Variants in NECTIN1 observed in about 807,000 individuals in gnomAD.
The protein encoded by NECTIN1 is nectin cell adhesion molecule 1, also known as nectin-1.
In NECTIN1, 23 loss-of-function variants were observed where a neutral mutation model predicts 48.0. The ratio of observed to expected loss-of-function variants is 0.48; its 90% CI spans 0.34 to 0.68. NECTIN1 has a LOEUF of 0.68. Ranked by LOEUF, NECTIN1 falls within the 30% of genes least tolerant of loss-of-function variation. NECTIN1 has a pLI of 0.01. For synonymous variants in NECTIN1, 270 were observed against 288.9 expected, an observed-to-expected ratio of 0.93 and a Z score of 0.66; for missense variants, 591 against 709.9, an observed-to-expected ratio of 0.83 and a Z score of 1.90.
intron 1 of NECTIN1, among the ~76,000 whole-genome samples, chr11:119,725,853 A>G (rs1865900173): frequency 2.0e-5 from 3 of 152,086 alleles, no homozygotes; most frequent in Admixed American, 2.0e-4. Context: ...CAACAGCTCG[A>G]CACACCTGCT....
intron 5 of NECTIN1, among the ~76,000 whole-genome samples, chr11:119,668,447 A>G (rs983244110): frequency 2.0e-5 from 3 of 152,122 alleles, no homozygotes; most frequent in Non-Finnish European, 4.4e-5. Context: ...CAAAGCTTCC[A>G]TCATGCAACC....
rs1004674586 is a variant in NECTIN1 at position 119,692,168 on chromosome 11, C to T, written c.80-13403G>A. Among the ~76,000 whole-genome samples the T allele has an allele frequency of 2.2e-4, 33 of 152,332 alleles. 2 individuals are homozygous for T. In the South Asian group the frequency reaches 5.6e-3, roughly 26 times the overall value. On this transcript the variant is annotated intron_variant, in intron 1 of 5. Transcript: ENST00000264025. Reference sequence around the variant, plus strand: ...ATCTATCAGGAGCCTCGCCCAGCCCCGCTTCCAGCTCAGACTTGTCGGGGT... The same window carrying T: ...ATCTATCAGGAGCCTCGCCCAGCCCTGCTTCCAGCTCAGACTTGTCGGGGT...
intron 5 of NECTIN1, among the ~76,000 whole-genome samples, chr11:119,649,758 G>A (rs960859203): frequency 1.3e-5 from 2 of 152,188 alleles, no homozygotes; most frequent in Non-Finnish European, 2.9e-5. Flanking sequence ...GAATGGCAGA[G>A]TTTCTGGAGC....
chr11:119,722,459 T>C (rs897237665), intron 1 of NECTIN1, among the ~76,000 whole-genome samples: 3 of 152,106 alleles, frequency 2.0e-5, no homozygotes, highest in African/African-American at 7.2e-5. Context: ...AATGTGGAAG[T>C]GAAAGAAGGC....
chr11:119,717,290 G>A (rs1565403475), intron 1 of NECTIN1, among the ~76,000 whole-genome samples: 2 of 152,204 alleles, frequency 1.3e-5, no homozygotes, highest in Admixed American at 6.5e-5. Context: ...TGTCGCACAC[G>A]TTCCCCCAAA....
At chr11:119,649,817 A>G (rs1015101252) in intron 5 of NECTIN1, among the ~76,000 whole-genome samples, 11 of 152,222 alleles carry the variant, frequency 7.2e-5, no homozygotes, top group Admixed American at 1.3e-4. Flanking sequence ...CAGACTCACT[A>G]GAAATCTGTC....
At chr11:119,724,025 T>C (rs1386210329) in intron 1 of NECTIN1, among the ~76,000 whole-genome samples, 1 of 152,214 alleles carries the variant, frequency 6.6e-6, no homozygotes, top group Non-Finnish European at 1.5e-5. Context: ...TCCTGCTTTC[T>C]GCTGCGTGAA....
At chr11:119,656,982 T>C (rs1249906940), downstream of NECTIN1, among the ~76,000 whole-genome samples, 1 of 152,182 alleles carries the variant, frequency 6.6e-6, no homozygotes, top group Non-Finnish European at 1.5e-5. Flanking sequence ...ATAGGTGGTC[T>C]AAACCCCAAA....
At chr11:119,680,013 C>G (rs982948461) in intron 1 of NECTIN1, among the ~76,000 whole-genome samples, 1 of 152,238 alleles carries the variant, frequency 6.6e-6, no homozygotes, top group African/African-American at 2.4e-5. Flanking sequence ...CTTTCCATCT[C>G]TGTATCCCCA....
At position 119,652,040 on chromosome 11, in the gene NECTIN1, A is replaced by C. The variant is rs187716592; in HGVS notation, c.1004-12028T>G. Reference sequence around the variant, plus strand: ...AGTCCAGGCCTCTCGCCAGCATATTACCTCCCTCCCGCCGGCTGCCATCCA... The same window carrying C: ...AGTCCAGGCCTCTCGCCAGCATATTCCCTCCCTCCCGCCGGCTGCCATCCA... On this transcript the variant is annotated intron_variant, in intron 5 of 7. Coordinates refer to the NECTIN1 transcript ENST00000341398. Among the ~76,000 whole-genome samples, 579 of 150,928 alleles carry C rather than the reference A, an allele frequency of 3.8e-3. 2 individuals are homozygous for C. Among genetic ancestry groups the C allele is most frequent in the Middle Eastern group, 0.027 (8 of 294 alleles).
rs977582529 is a variant in NECTIN1, at chr11:119,718,070, C to T, written c.79+10405G>A. Among the ~76,000 whole-genome samples, 12 of 152,186 alleles carry T rather than the reference C, an allele frequency of 7.9e-5. No individual in the cohort carries two copies. In the East Asian group the frequency reaches 1.2e-3, roughly 15 times the overall value. ...ACAGATCAGATGACTGTTTTGCAGCCGAATTACCTTCCTAATTAAGCAAGA... is the reference window on the plus strand; with the variant it reads ...ACAGATCAGATGACTGTTTTGCAGCTGAATTACCTTCCTAATTAAGCAAGA... On this transcript the variant is annotated intron_variant, in intron 1 of 5. Transcript: ENST00000264025.
intron 1 of NECTIN1, among the ~76,000 whole-genome samples, chr11:119,688,452 T>C (rs1274663318): frequency 2.7e-5 from 4 of 150,176 alleles, no homozygotes. Flanking sequence ...GGGGGGACTG[T>C]CCTGTTGTGG....
Position 119,675,314 on chromosome 11 carries a change from TG to T in NECTIN1, c.852-5del. On this transcript the variant is annotated splice_polypyrimidine_tract_variant and splice_region_variant and intron_variant, in intron 4 of 5. Coordinates refer to ENST00000264025, the MANE Select transcript of NECTIN1 (RefSeq NM_002855.5). ...CTTGGGGAGAGAGCCATTTAGCCTG[TG>T]GGAAGTGGGAGACACAGCGTAGGGT... 2 of 1,614,082 alleles carry T rather than the reference TG, an allele frequency of 1.2e-6. No homozygotes were observed. Among genetic ancestry groups the T allele is most frequent in the Non-Finnish European group, 1.7e-6 (2 of 1,180,008 alleles).
chr11:119,641,395 T>C (rs1261462299), intron 5 of NECTIN1: 1 of 152,152 alleles, frequency 6.6e-6, no homozygotes, highest in African/African-American at 2.4e-5. Context: ...CCTCCAAGAG[T>C]TCCTCCAACA....
chr11:119,660,421 G>T (rs1864641573), downstream of NECTIN1, among the ~76,000 whole-genome samples: 1 of 152,056 alleles, frequency 6.6e-6, no homozygotes, highest in Non-Finnish European at 1.5e-5. Context: ...AGGAGGGGTG[G>T]GTCACAGGGA....
intron 6 of NECTIN1, chr11:119,639,845 CAG>C: frequency 6.2e-7 from 1 of 1,613,984 alleles, no homozygotes; most frequent in Non-Finnish European, 8.5e-7. Flanking sequence ...GTTTAGTGGG[CAG>C]AGTCCTGCCT....
intron 1 of NECTIN1, among the ~76,000 whole-genome samples, chr11:119,690,865 C>T (rs1865240830): frequency 6.6e-6 from 1 of 152,172 alleles, no homozygotes; most frequent in East Asian, 1.9e-4. Context: ...AGAAGCCACT[C>T]ACTTTTCACG....
intron 1 of NECTIN1, among the ~76,000 whole-genome samples, chr11:119,704,524 G>C (rs985701283): frequency 1.3e-5 from 2 of 152,106 alleles, no homozygotes; most frequent in African/African-American, 2.4e-5. Flanking sequence ...GTCCACCCCC[G>C]TGTTTCTTGA....
rs368910346 is a variant in NECTIN1 at position 119,661,996 on chromosome 11, C to T, written c.*2751G>A. On this transcript the variant is annotated 3_prime_UTR_variant, in exon 6 of 6. Transcript: ENST00000264025. The stretch of plus-strand genomic sequence containing the variant: ...CAGACCCTTCTGATAAAAGGGGACT[C>T]GGCTGGTTCTATTACACATTAGAAC... 6.2e-3 allele frequency: 6,061 copies of T among 985,204 alleles called. 21 individuals carry two copies. Among genetic ancestry groups the T allele is most frequent in the Non-Finnish European group, 7.0e-3 (5,798 of 829,912 alleles). 61.0% of individuals were successfully genotyped at this position (985,204 alleles called of 1,614,324 possible). A position where few individuals can be genotyped will look rare whatever the true frequency, so the allele number is the denominator to read the frequency against.
Sources: gnomAD v4.1 joint callset for allele counts (sites outside exome capture counted in the v4.1 genomes callset) on GRCh38, gnomAD v4.1.1 for gene constraint, MANE v1.5 for transcripts, NCBI Gene and HGNC (gene_info 2026-07-23, HGNC 2026-07-21) for gene names.